The following AKAP1 variants were observed in gnomAD, a reference collection of about 807,000 sequenced individuals.
The protein encoded by AKAP1 is A-kinase anchoring protein 1.
A neutral mutation model predicts 79.8 loss-of-function variants in AKAP1; 32 were observed. That is an observed-to-expected ratio of 0.40 (90% CI 0.30 to 0.54). The LOEUF (loss-of-function observed/expected upper bound fraction) is 0.54. AKAP1 is among the 20% of genes least tolerant of loss of function. The pLI is 0.47. For synonymous variants in AKAP1, 416 were observed against 466.7 expected (o/e 0.89, Z 1.40); for missense variants, 961 against 1,138.9 (o/e 0.84, Z 2.25).
chr17:57,100,659 G>A (rs1196000494), intron 1 of AKAP1, among the ~76,000 whole-genome samples: 1 of 152,104 alleles, frequency 6.6e-6, no homozygotes, highest in African/African-American at 2.4e-5. Context: ...CTGACCGGAT[G>A]AAAACCTGGG....
intron 2 of AKAP1, chr17:57,107,828 C>T: frequency 3.8e-6 from 2 of 526,478 alleles, no homozygotes; most frequent in South Asian, 3.1e-5. Flanking sequence ...TCCAGAAGCT[C>T]TTACAGGGTA....
In AKAP1 at chr17:57,110,059, C is replaced by T. The variant is rs76415802; in HGVS notation, c.1749C>T (p.Ser583=). 2,035 of 1,614,116 alleles carry T rather than the reference C, an allele frequency of 1.3e-3. 20 individuals are homozygous for T. In the African/African-American group the frequency reaches 0.022, roughly 17 times the overall value. ...GGAACAGCATGGATTCCGTGGATAG[C>T]TGTTGCAGTCTCAAGAAGACTGAGA... ...SDRNSMDSVD[S]CCSLKKTESF... is the part of the protein sequence containing the mutation. Residue 583 remains serine, a synonymous_variant, in exon 3 of 11, where the codon AGC becomes AGT. Coordinates refer to ENST00000337714, the MANE Select transcript of AKAP1 (RefSeq NM_003488.4).
At chr17:57,103,577 A>G (rs930526753) in intron 1 of AKAP1, among the ~76,000 whole-genome samples, 3 of 152,240 alleles carry the variant, frequency 2.0e-5, no homozygotes, top group Non-Finnish European at 4.4e-5. Context: ...AGAAAACAAT[A>G]TAAGTCAAAC....
In AKAP1 at chr17:57,112,877, G is replaced by C. The variant is rs532307671; in HGVS notation, c.2103+259G>C. On this transcript the variant is annotated intron_variant, in intron 5 of 10. Transcript: ENST00000337714. ...ACTACTTTTCCTGGCTCTCCCCCTG[G>C]GCACCTTTTAAGTTTTCTAGGCGTT... 6.5e-3 allele frequency among the ~76,000 whole-genome samples: 988 copies of C among 152,296 alleles called. 5 individuals carry two copies. Among genetic ancestry groups the C allele is most frequent in the African/African-American group, 0.022 (923 of 41,554 alleles).
rs1914868027 is a variant in AKAP1, at chr17:57,106,385, G to A, written c.921G>A (p.Glu307=). ...GTGTCGAGGGAGAACTGGGCAATGA[G>A]GAGAGCTTGGATAGAAATGAGGAGG... ...DRGVEGELGN[E]ESLDRNEEGL... Residue 307 remains glutamate (E), a synonymous_variant, in exon 2 of 11, where the codon GAG becomes GAA. Coordinates refer to ENST00000337714, the MANE Select transcript of AKAP1 (RefSeq NM_003488.4). 1 of 1,613,352 alleles carries A rather than the reference G, an allele frequency of 6.2e-7. No individual in the cohort carries two copies. The highest frequency in any genetic ancestry group is 1.3e-5 in the African/African-American group (1 of 74,708).
In AKAP1 at chr17:57,116,363, T is replaced by A. The variant is rs148330990; in HGVS notation, c.2432+102T>A. On this transcript the variant is annotated intron_variant, in intron 7 of 10. Coordinates refer to ENST00000337714, the MANE Select transcript of AKAP1 (RefSeq NM_003488.4). Reference sequence around the variant, plus strand: ...GTGCCAGGGCTTGGGTGAGGGTTACTTCTTCCCTCCTGCTGCCTACTGTGT... The same window carrying A: ...GTGCCAGGGCTTGGGTGAGGGTTACATCTTCCCTCCTGCTGCCTACTGTGT... The A allele has an allele frequency of 2.9e-5, 42 of 1,444,092 alleles. No homozygotes were observed. The Middle Eastern group carries it at 1.2e-3, about 43-fold the overall frequency. The allele number at this position is 1,444,092 out of a possible 1,614,324, so 89.5% of individuals were successfully genotyped here.
At chr17:57,109,278 G>A (rs771692327) in intron 2 of AKAP1, among the ~76,000 whole-genome samples, 3 of 152,220 alleles carry the variant, frequency 2.0e-5, no homozygotes, top group Non-Finnish European at 1.5e-5. Flanking sequence ...GCTCTTGAGT[G>A]AGAGTGGAAC....
chr17:57,107,221 G>T (rs778213080), intron 2 of AKAP1, 43 bp downstream of exon 2: 1 of 1,537,648 alleles, frequency 6.5e-7, no homozygotes, highest in South Asian at 1.3e-5. Context: ...GGCGCTCCCA[G>T]TATTTCTTGG....
chr17:57,111,812 G>A lies in AKAP1; in HGVS notation c.1863G>A (p.Arg621=). The change falls in exon 4 of 11, where the codon CGG becomes CGA. Residue 621 remains arginine (R), a synonymous_variant. Transcript: ENST00000337714. ...CTTTCTGGAAGCACTTAGTCGGTCG[G>A]CTAATTGGCAAGCAGGGGCGCTATG... ...EIEVPKHLVG[R]LIGKQGRYVS... 6.2e-7 allele frequency: 1 copy of A among 1,614,028 alleles called. No homozygotes were observed. Among genetic ancestry groups the A allele is most frequent in the Non-Finnish European group, 8.5e-7 (1 of 1,180,010 alleles).
At position 57,106,288 on chromosome 17, in the gene AKAP1, C is replaced by A. The variant is rs1914856909; in HGVS notation, c.824C>A (p.Ala275Asp). The part of the protein sequence containing the change: ...EKLPSRFIES[A>D]HTELAKDDAA... Reference sequence around the variant, plus strand: ...TTGCCAAGTAGGTTCATCGAGTCGGCTCACACAGAGCTGGCAAAGGACGAT... The same window carrying A: ...TTGCCAAGTAGGTTCATCGAGTCGGATCACACAGAGCTGGCAAAGGACGAT... Residue 275 changes from alanine (A) to aspartate (D), a missense_variant, in exon 2 of 11, where the codon GCT becomes GAT. Ala to Asp is a moderately radical substitution (Grantham distance 126). Coordinates refer to ENST00000337714, the MANE Select transcript of AKAP1 (RefSeq NM_003488.4). 7 of 1,614,028 alleles carry A rather than the reference C, an allele frequency of 4.3e-6. No homozygotes were observed. The highest frequency in any genetic ancestry group is 5.1e-6 in the Non-Finnish European group (6 of 1,180,048).
chr17:57,089,247 A>G (rs949306024), intron 1 of AKAP1, among the ~76,000 whole-genome samples: 9 of 152,346 alleles, frequency 5.9e-5, no homozygotes, highest in African/African-American at 1.9e-4. Flanking sequence ...TGGGGAGCAC[A>G]GCTCAATGGG....
intron 1 of AKAP1, among the ~76,000 whole-genome samples, chr17:57,088,293 A>G (rs1406116610): frequency 6.6e-6 from 1 of 152,152 alleles, no homozygotes; most frequent in East Asian, 1.9e-4. Context: ...CTTGGTACCT[A>G]ATTTGAAGCT....
intron 1 of AKAP1, chr17:57,085,906 T>G (rs1433639249): frequency 5.8e-6 from 1 of 170,976 alleles, no homozygotes; most frequent in Non-Finnish European, 1.3e-5. Context: ...GCCCCTTCAC[T>G]TCTGGAGCCT....
rs1443144554 is a variant in AKAP1, at chr17:57,085,309, G to A, written c.-114G>A. The A allele has an allele frequency of 6.6e-6, 1 of 151,238 alleles. No homozygotes were observed. Among genetic ancestry groups the A allele is most frequent in the Admixed American group, 6.6e-5 (1 of 15,182 alleles). 9.4% of individuals were successfully genotyped at this position (151,238 alleles called of 1,614,324 possible). A position where few individuals can be genotyped will look rare whatever the true frequency, so the allele number is the denominator to read the frequency against. ...CACGTGGGGGAGCTGCGGAAGCGCG[G>A]CGCTGCGGGCCGGGCCGCGGGGCAC... On this transcript the variant is annotated 5_prime_UTR_variant, in exon 1 of 11. Transcript: ENST00000337714.
chr17:57,104,380 C>T (rs1429772146), intron 1 of AKAP1, among the ~76,000 whole-genome samples: 1 of 152,206 alleles, frequency 6.6e-6, no homozygotes, highest in Non-Finnish European at 1.5e-5. Context: ...CCAGACTACG[C>T]AGTGGGGCCC....
chr17:57,085,852 G>GT (rs1913411709), intron 1 of AKAP1: 1 of 152,854 alleles, frequency 6.5e-6, no homozygotes, highest in African/African-American at 2.4e-5. Context: ...CCCCGCGGGC[G>GT]TTTACTTTTC....
rs758021292 is a variant in AKAP1 at position 57,112,629 on chromosome 17, T to C, written c.2103+11T>C. The C allele has an allele frequency of 9.4e-6, 15 of 1,599,388 alleles. No individual in the cohort carries two copies. Among genetic ancestry groups the C allele is most frequent in the Non-Finnish European group, 1.3e-5 (15 of 1,173,294 alleles). On this transcript the variant is annotated intron_variant, in intron 5 of 10. Coordinates refer to ENST00000337714, the MANE Select transcript of AKAP1 (RefSeq NM_003488.4). ...CCGATGACATCCTGGGTGAGCGTGC[T>C]ACTGGGTGATCCGGACTTCTTGCCA...
intron 6 of AKAP1, among the ~76,000 whole-genome samples, chr17:57,114,953 A>T (rs530307055): frequency 6.8e-6 from 1 of 147,916 alleles, no homozygotes; most frequent in African/African-American, 2.5e-5. Flanking sequence ...CCTATTTATT[A>T]TCTGTTAAAG....
At chr17:57,113,649 C>T (rs1915399003) in intron 5 of AKAP1, among the ~76,000 whole-genome samples, 2 of 119,666 alleles carry the variant, frequency 1.7e-5, no homozygotes, top group Admixed American at 2.3e-4. Context: ...GTTGCCCAGT[C>T]TGGAGTGTAG....
Sources: gnomAD v4.1 joint callset for allele counts (sites outside exome capture counted in the v4.1 genomes callset) on GRCh38, gnomAD v4.1.1 for gene constraint, MANE v1.5 for transcripts, NCBI Gene and HGNC (gene_info 2026-07-23, HGNC 2026-07-21) for gene names.